HRAS: variants seen among roughly 807,000 people sequenced by gnomAD.
HRAS encodes the protein HRas proto-oncogene, GTPase, also known as GTPase HRas.
HRAS carries 11 observed loss-of-function variants against 19.8 expected under a neutral mutation model. That is an observed-to-expected ratio of 0.55 (90% CI 0.35 to 0.92). The LOEUF is 0.92. HRAS is among the 40% of genes least tolerant of loss of function. HRAS has a pLI of 0.01. For synonymous variants in HRAS, 149 were observed against 105.5 expected (o/e 1.41, Z -2.52); for missense variants, 204 against 255.9 (o/e 0.80, Z 1.38).
chr11:534,338 T>G lies in HRAS; in HGVS notation c.-16A>C, dbSNP rs1174138515. 6.2e-7 allele frequency: 1 copy of G among 1,601,066 alleles called. No individual in the cohort carries two copies. The highest frequency in any genetic ancestry group is 8.5e-7 in the Non-Finnish European group (1 of 1,172,676). Reference sequence around the variant, plus strand: ...ATTCCGTCATCGCTCCTCAGGGGCCTGCGGCCCGGGGTCCTCCTACAGGGT... The same window carrying G: ...ATTCCGTCATCGCTCCTCAGGGGCCGGCGGCCCGGGGTCCTCCTACAGGGT... On this transcript the variant is annotated 5_prime_UTR_variant, in exon 2 of 6. Transcript: ENST00000311189.
chr11:534,293 G>A lies in HRAS; in HGVS notation c.30C>T (p.Gly10=), dbSNP rs752765965. The change falls in exon 2 of 6, where the codon GGC becomes GGT. Residue 10 remains glycine (G), a synonymous_variant. Transcript: ENST00000311189. The part of the protein sequence containing the change: MTEYKLVVV[G]AGGVGKSALT... ...GCGCACTCTTGCCCACACCGCCGGC[G>A]CCCACCACCACCAGCTTATATTCCG... The A allele has an allele frequency of 4.3e-6, 7 of 1,613,080 alleles. No homozygotes were observed. The Admixed American group carries it at 6.7e-5, about 15-fold the overall frequency.
At position 532,503 on chromosome 11, in the gene HRAS, C is replaced by T; in HGVS notation, c.*25G>A. 8.0e-7 allele frequency: 1 copy of T among 1,255,308 alleles called. No homozygotes were observed. Among genetic ancestry groups the T allele is most frequent in the Non-Finnish European group, 1.1e-6 (1 of 902,880 alleles). 77.8% of individuals were successfully genotyped at this position (1,255,308 alleles called of 1,614,324 possible). A position where few individuals can be genotyped will look rare whatever the true frequency, so the allele number is the denominator to read the frequency against. ...TGCACCTCCTTCCTGCATCCGGCACCTCCATGTCCTGAGCTTGTGCTGGGC... is the reference window on the plus strand; with the variant it reads ...TGCACCTCCTTCCTGCATCCGGCACTTCCATGTCCTGAGCTTGTGCTGGGC... On this transcript the variant is annotated 3_prime_UTR_variant, in exon 6 of 6. Coordinates refer to ENST00000311189, the MANE Select transcript of HRAS (RefSeq NM_005343.4).
chr11:534,155 G>T, intron 2 of HRAS, 57 bp downstream of exon 2: 1 of 1,399,704 alleles, frequency 7.1e-7, no homozygotes, highest in Non-Finnish European at 1.0e-6. Flanking sequence ...TATCCTGGCT[G>T]TGTCCTGGGC....
At chr11:535,056 G>T (rs1173391313) in intron 1 of HRAS, among the ~76,000 whole-genome samples, 1 of 152,094 alleles carries the variant, frequency 6.6e-6, no homozygotes, top group Non-Finnish European at 1.5e-5. Flanking sequence ...CTGTGATGCT[G>T]AATCGGGGGT....
intron 2 of HRAS, 57 bp downstream of exon 2, chr11:534,155 G>A (rs1851308373): frequency 7.1e-7 from 1 of 1,399,704 alleles, no homozygotes; most frequent in East Asian, 2.3e-5. Flanking sequence ...TATCCTGGCT[G>A]TGTCCTGGGC....
At position 532,627 on chromosome 11, in the gene HRAS, T is replaced by A; in HGVS notation, c.*5+4A>T. ...GTGGCGGCCGCCCTGGGAGTCCCCC[T>A]CACCTGCGTCAGGAGAGCACACACT... On this transcript the variant is annotated splice_donor_region_variant and intron_variant, in intron 5 of 5. Coordinates refer to ENST00000311189, the MANE Select transcript of HRAS (RefSeq NM_005343.4). 1.2e-6 allele frequency: 2 copies of A among 1,609,730 alleles called. No homozygotes were observed.
rs1851243906 is a variant in HRAS at position 533,533 on chromosome 11, T to C, written c.370A>G (p.Thr124Ala). The part of the protein sequence containing the change: ...VGNKCDLAAR[T>A]VESRQAQDLA... ...TCCTGAGCCTGCCGAGATTCCACAG[T>C]GCGTGCAGCCAGGTCACACTTGTTC... Residue 124 changes from threonine to alanine, a missense_variant, in exon 4 of 6, where the codon ACT becomes GCT. Physicochemically the swap from Thr to Ala is moderately conservative, Grantham distance 58. Transcript: ENST00000311189. 1 of 1,613,770 alleles carries C rather than the reference T, an allele frequency of 6.2e-7. No homozygotes were observed. Among genetic ancestry groups the C allele is most frequent in the Admixed American group, 1.7e-5 (1 of 60,018 alleles).
intron 2 of HRAS, 83 bp downstream of exon 2, chr11:534,129 G>A: frequency 1.6e-6 from 2 of 1,265,292 alleles, no homozygotes; most frequent in South Asian, 2.4e-5. Context: ...AGGGGACCAG[G>A]GGCTGCAGCC....
intron 4 of HRAS, 134 bp downstream of exon 4, chr11:533,319 A>G: frequency 6.2e-7 from 1 of 1,603,064 alleles, no homozygotes; most frequent in Non-Finnish European, 8.5e-7. Context: ...GGGGGGTCCC[A>G]GAGGGTCCCG....
intron 4 of HRAS, among the ~76,000 whole-genome samples, chr11:533,115 A>G (rs559816237): frequency 2.0e-4 from 31 of 152,320 alleles, no homozygotes; most frequent in Non-Finnish European, 1.5e-5. Context: ...CTCTGGGGAC[A>G]AGAGGGGCCG....
At chr11:534,403 GCC>G (rs1851329179) in intron 1 of HRAS, 28 bp from the exon 2 acceptor site, 1 of 1,103,378 alleles carries the variant, frequency 9.1e-7, no homozygotes, top group African/African-American at 1.6e-5. Flanking sequence ...GCTCAGCCAG[GCC>G]CAGGCCCAGC....
chr11:532,891 A>C, intron 4 of HRAS, 136 bp from the exon 5 acceptor site: 1 of 856,220 alleles, frequency 1.2e-6, no homozygotes, highest in Non-Finnish European at 1.9e-6. Context: ...GGCCCACCAC[A>C]CACACGGGAA....
rs200945755 is a variant in HRAS, at chr11:533,534, G to A, written c.369C>T (p.Arg123=). 113 of 1,613,848 alleles carry A rather than the reference G, an allele frequency of 7.0e-5. 1 individual carries two copies. The East Asian group carries it at 2.4e-3, about 34-fold the overall frequency. ...CCTGAGCCTGCCGAGATTCCACAGTGCGTGCAGCCAGGTCACACTTGTTCC... is the reference window on the plus strand; with the variant it reads ...CCTGAGCCTGCCGAGATTCCACAGTACGTGCAGCCAGGTCACACTTGTTCC... ...LVGNKCDLAA[R]TVESRQAQDL... The change falls in exon 4 of 6, where the codon CGC becomes CGT. Residue 123 remains arginine (R), a synonymous_variant. Transcript: ENST00000311189.
chr11:535,089 G>A (rs2133999860), intron 1 of HRAS, among the ~76,000 whole-genome samples: 1 of 152,110 alleles, frequency 6.6e-6, no homozygotes, highest in Non-Finnish European at 1.5e-5. Flanking sequence ...CGTGGCCGCG[G>A]CCGCCTCCTC....
Position 533,843 on chromosome 11 carries a change from G to A in HRAS, c.213C>T (p.Tyr71=), listed in dbSNP as rs779428004. 2.5e-6 allele frequency: 4 copies of A among 1,613,380 alleles called. No homozygotes were observed. Among genetic ancestry groups the A allele is most frequent in the South Asian group, 2.2e-5 (2 of 91,088 alleles). The change falls in exon 3 of 6, where the codon TAC becomes TAT. Residue 71 remains tyrosine, a synonymous_variant. Coordinates refer to ENST00000311189, the MANE Select transcript of HRAS (RefSeq NM_005343.4). ...ACAGGAAGCCCTCCCCGGTGCGCAT[G>A]TACTGGTCCCGCATGGCGCTGTACT... The part of the protein sequence containing the change: ...QEEYSAMRDQ[Y]MRTGEGFLCV...
chr11:535,528 G>C lies in HRAS; in HGVS notation c.-166C>G, dbSNP rs1851442616. On this transcript the variant is annotated 5_prime_UTR_variant, in exon 1 of 6. Coordinates refer to ENST00000311189, the MANE Select transcript of HRAS (RefSeq NM_005343.4). ...ATGGGCTCCGTCCGCGGCGGGTGCG[G>C]CTCGGGTTGCGGGCGCAGGGCACGG... is the stretch of plus-strand genomic sequence containing the variant. 6.8e-6 allele frequency: 1 copy of C among 148,032 alleles called. No individual in the cohort carries two copies. 9.2% of individuals were successfully genotyped at this position (148,032 alleles called of 1,614,324 possible).
At chr11:534,841 G>C (rs1273542520) in intron 1 of HRAS, among the ~76,000 whole-genome samples, 1 of 152,216 alleles carries the variant, frequency 6.6e-6, no homozygotes, top group African/African-American at 2.4e-5. Flanking sequence ...TGCGTACTAG[G>C]CGCCGCCGAG....
At chr11:533,371 A>G (rs1186612413) in intron 4 of HRAS, 82 bp downstream of exon 4, 1 of 1,588,712 alleles carries the variant, frequency 6.3e-7, no homozygotes, top group Admixed American at 1.7e-5. Context: ...GTGTCAAGGG[A>G]GAGGGTCAGT....
chr11:534,376 C>T lies in HRAS; in HGVS notation c.-53-1G>A. 2.1e-6 allele frequency: 3 copies of T among 1,442,914 alleles called. No homozygotes were observed. Among genetic ancestry groups the T allele is most frequent in the Non-Finnish European group, 2.9e-6 (3 of 1,040,214 alleles). The allele number at this position is 1,442,914 out of a possible 1,614,324, so 89.4% of individuals were successfully genotyped here. A position where few individuals can be genotyped will look rare whatever the true frequency, so the allele number is the denominator to read the frequency against. On this transcript the variant is annotated splice_acceptor_variant, in intron 1 of 5. Transcript: ENST00000311189. LOFTEE classifies it low-confidence loss of function (5UTR_SPLICE). The stretch of plus-strand genomic sequence containing the variant: ...CCTCCTACAGGGTCTCCTGCCCCAC[C>T]TGCCAAGGAGGGCCCTGCTCAGCCA...
Sources: gnomAD v4.1 joint callset for allele counts (sites outside exome capture counted in the v4.1 genomes callset) on GRCh38, gnomAD v4.1.1 for gene constraint, MANE v1.5 for transcripts, NCBI Gene and HGNC (gene_info 2026-07-23, HGNC 2026-07-21) for gene names.